The following SELENOT variants were observed in gnomAD, a reference collection of about 807,000 sequenced individuals.
SELENOT encodes the protein thioredoxin reductase-like selenoprotein T.
In SELENOT, 9 loss-of-function variants were observed where a neutral mutation model predicts 24.3. The observed-to-expected ratio is 0.37, with a 90% CI of 0.22 to 0.65. SELENOT has a LOEUF of 0.65. Ranked by LOEUF, SELENOT falls within the 30% of genes least tolerant of loss-of-function variation. The probability of loss-of-function intolerance (pLI) is 0.60; values close to 1 mark genes in which losing one functional copy is unlikely to be tolerated. For synonymous variants in SELENOT, 81 were observed against 86.0 expected, an observed-to-expected ratio of 0.94 and a Z score of 0.32; for missense variants, 166 against 247.6, an observed-to-expected ratio of 0.67 and a Z score of 2.21.
intron 1 of SELENOT, among the ~76,000 whole-genome samples, chr3:150,622,063 T>C (rs950491680): frequency 6.6e-6 from 1 of 151,852 alleles, no homozygotes; most frequent in South Asian, 2.1e-4. Context: ...TGAATGTGAA[T>C]AGGTATTTGC....
chr3:150,603,371 TCTG>T lies in SELENOT; in HGVS notation c.15_17del (p.Leu8del). 6.2e-7 allele frequency: 1 copy of T among 1,612,644 alleles called. No individual in the cohort carries two copies. Among genetic ancestry groups the T allele is most frequent in the East Asian group, 2.2e-5 (1 of 44,848 alleles). ...TGGCTGGCTCATTTAAGATGAGGCT[TCTG>T]CTGCTTCTCCTAGTGGCGGCGTCTG... On this transcript the variant is annotated inframe_deletion, in exon 1 of 6. Transcript: ENST00000471696.
At position 150,630,354 on chromosome 3, in the gene SELENOT, C is replaced by G. The variant is rs1223797728; in HGVS notation, c.*2725C>G. 1.1e-4 allele frequency: 17 copies of G among 151,922 alleles called. No individual in the cohort carries two copies. 9.4% of individuals were successfully genotyped at this position (151,922 alleles called of 1,614,324 possible). A position where few individuals can be genotyped will look rare whatever the true frequency, so the allele number is the denominator to read the frequency against. ...AAGCCTTTTTTTTAAAAAAAGAGATCTTTTTGAGAGAAACAAATGAGGATT... is the reference window on the plus strand; with the variant it reads ...AAGCCTTTTTTTTAAAAAAAGAGATGTTTTTGAGAGAAACAAATGAGGATT... On this transcript the variant is annotated 3_prime_UTR_variant, in exon 6 of 6. Coordinates refer to ENST00000471696, the MANE Select transcript of SELENOT (RefSeq NM_016275.5).
intron 1 of SELENOT, 140 bp from the exon 2 acceptor site, chr3:150,622,245 C>T (rs973299000): frequency 2.4e-6 from 1 of 408,448 alleles, no homozygotes; most frequent in Non-Finnish European, 4.5e-6. Context: ...ATGTATTTGT[C>T]ATCCTGGTTC....
In SELENOT at chr3:150,611,959, C is replaced by A. The variant is rs1235138672; in HGVS notation, c.137+8460C>A. 10 of 685,728 alleles carry A rather than the reference C, an allele frequency of 1.5e-5. No homozygotes were observed. The African/African-American group carries it at 1.9e-4, about 13-fold the overall frequency. 42.5% of individuals were successfully genotyped at this position (685,728 alleles called of 1,614,324 possible). On this transcript the variant is annotated intron_variant, in intron 1 of 5. Transcript: ENST00000471696. ...CGTCGGCGGCAGTTCACTCTGCACA[C>A]CAAGTTAGCTGCATGGCAGAACACC...
At position 150,603,678 on chromosome 3, in the gene SELENOT, C is replaced by CT. The variant is rs1725896646; in HGVS notation, c.137+183dup. ...CCCTTAGCGCGGTCAGGCCGCCCTCCTTTTCCAGGTATAACTGCTCACTTG... is the reference window on the plus strand; with the variant it reads ...CCCTTAGCGCGGTCAGGCCGCCCTCCTTTTTCCAGGTATAACTGCTCACTTG... On this transcript the variant is annotated intron_variant, in intron 1 of 5. Coordinates refer to ENST00000471696, the MANE Select transcript of SELENOT (RefSeq NM_016275.5). 9 of 658,778 alleles carry CT rather than the reference C, an allele frequency of 1.4e-5. No individual in the cohort carries two copies. In the South Asian group the frequency reaches 1.9e-4, roughly 14 times the overall value. 40.8% of individuals were successfully genotyped at this position (658,778 alleles called of 1,614,324 possible). A position where few individuals can be genotyped will look rare whatever the true frequency, so the allele number is the denominator to read the frequency against.
intron 1 of SELENOT, among the ~76,000 whole-genome samples, chr3:150,606,843 C>G (rs1020042282): frequency 6.6e-6 from 1 of 152,180 alleles, no homozygotes; most frequent in Non-Finnish European, 1.5e-5. Flanking sequence ...ACCTACCCAC[C>G]TTGGCGTCCC....
chr3:150,611,574 T>G (rs1726093270), intron 1 of SELENOT: 1 of 1,275,914 alleles, frequency 7.8e-7, no homozygotes, highest in Non-Finnish European at 1.1e-6. Flanking sequence ...GAATTAAGTT[T>G]TTATGATAAT....
rs1726494177 is a variant in SELENOT, at chr3:150,628,730, T to A, written c.*1101T>A. On this transcript the variant is annotated 3_prime_UTR_variant, in exon 6 of 6. Coordinates refer to ENST00000471696, the MANE Select transcript of SELENOT (RefSeq NM_016275.5). ...CTAAAAAGGCAGTTTTTTAAAAAAC[T>A]TAAGTTGATAAAAACTGTAAGAATA... 1.3e-5 allele frequency: 2 copies of A among 152,208 alleles called. No individual in the cohort carries two copies. The highest frequency in any genetic ancestry group is 4.8e-5 in the African/African-American group (2 of 41,452). 9.4% of individuals were successfully genotyped at this position (152,208 alleles called of 1,614,324 possible).
intron 1 of SELENOT, among the ~76,000 whole-genome samples, chr3:150,619,184 G>A (rs1726281735): frequency 7.0e-6 from 1 of 143,242 alleles, no homozygotes. Flanking sequence ...TCGCGCCACT[G>A]CACTCCAGCC....
At chr3:150,621,614 C>CTTTT (rs35489270) in intron 1 of SELENOT, among the ~76,000 whole-genome samples, 1,602 of 80,006 alleles carry the variant, frequency 0.02, 18 homozygotes, top group East Asian at 0.025. Flanking sequence ...GGCATATTTC[C>CTTTT]TTTTTTTTTT....
intron 1 of SELENOT, 146 bp from the exon 2 acceptor site, chr3:150,622,239 A>C (rs962298671): frequency 4.9e-6 from 2 of 405,562 alleles, no homozygotes; most frequent in Non-Finnish European, 9.1e-6. Context: ...AACTCAATGT[A>C]TTTGTCATCC....
intron 2 of SELENOT, among the ~76,000 whole-genome samples, 169 bp downstream of exon 2, chr3:150,622,664 G>A (rs531533921): frequency 2.0e-5 from 3 of 152,218 alleles, no homozygotes; most frequent in Non-Finnish European, 2.9e-5. Flanking sequence ...AATATAGAAG[G>A]CTTTTTCTGT....
At chr3:150,609,617 G>A (rs1325996495) in intron 1 of SELENOT, among the ~76,000 whole-genome samples, 1 of 152,298 alleles carries the variant, frequency 6.6e-6, no homozygotes, top group African/African-American at 2.4e-5. Flanking sequence ...AAAGTGTCGA[G>A]ATTACAGGCA....
intron 1 of SELENOT, among the ~76,000 whole-genome samples, chr3:150,619,583 A>G (rs75582685): frequency 0.058 from 8,827 of 152,266 alleles, 332 homozygotes; most frequent in Non-Finnish European, 0.082. Flanking sequence ...TCCTGAGGAC[A>G]TTTAGTCCGG....
chr3:150,617,315 T>C (rs961143280), intron 1 of SELENOT, among the ~76,000 whole-genome samples: 1 of 152,144 alleles, frequency 6.6e-6, no homozygotes, highest in Admixed American at 6.5e-5. Context: ...TTTTAACAAA[T>C]TGAGGAAAGG....
chr3:150,621,495 T>TAACTTAGA (rs1342751600), intron 1 of SELENOT, among the ~76,000 whole-genome samples: 1 of 152,112 alleles, frequency 6.6e-6, no homozygotes, highest in African/African-American at 2.4e-5. Flanking sequence ...ATCTGTTCCT[T>TAACTTAGA]AACTTAGAAT....
intron 1 of SELENOT, among the ~76,000 whole-genome samples, chr3:150,607,040 T>C (rs1259546483): frequency 6.6e-6 from 1 of 152,246 alleles, no homozygotes; most frequent in Non-Finnish European, 1.5e-5. Flanking sequence ...TAGTTGCAGT[T>C]TAAAGAGATT....
Position 150,630,169 on chromosome 3 carries a change from A to G in SELENOT, c.*2540A>G, listed in dbSNP as rs1050269609. The G allele has an allele frequency of 1.3e-5, 2 of 152,230 alleles. No individual in the cohort carries two copies. The highest frequency in any genetic ancestry group is 6.5e-5 in the Admixed American group (1 of 15,282). The allele number at this position is 152,230 out of a possible 1,614,324, so 9.4% of individuals were successfully genotyped here. ...ATGACAGGAGTCAATCAGCCTTTACAGCTATCAAAATATAATGAGATCCCA... is the reference window on the plus strand; with the variant it reads ...ATGACAGGAGTCAATCAGCCTTTACGGCTATCAAAATATAATGAGATCCCA... On this transcript the variant is annotated 3_prime_UTR_variant, in exon 6 of 6. Transcript: ENST00000471696.
chr3:150,621,057 A>G (rs1030424003), intron 1 of SELENOT, among the ~76,000 whole-genome samples: 3 of 152,212 alleles, frequency 2.0e-5, no homozygotes, highest in African/African-American at 7.2e-5. Context: ...CCCAGCATGT[A>G]GTGAGAAAGA....
Sources: gnomAD v4.1 joint callset for allele counts (sites outside exome capture counted in the v4.1 genomes callset) on GRCh38, gnomAD v4.1.1 for gene constraint, MANE v1.5 for transcripts, NCBI Gene and HGNC (gene_info 2026-07-23, HGNC 2026-07-21) for gene names.